The following RAD54B variants were observed in gnomAD, a reference collection of about 807,000 sequenced individuals.
RAD54B encodes the protein DNA repair and recombination protein RAD54B.
Under a neutral mutation model 95.8 loss-of-function variants are expected in RAD54B, and 78 were observed. The ratio of observed to expected loss-of-function variants is 0.81; its 90% CI spans 0.68 to 0.98. RAD54B has a LOEUF of 0.98. Among genes scored for constraint, RAD54B ranks in the 50% least tolerant of loss-of-function variants. The pLI is 0.00. For missense variants in RAD54B, 957 were observed against 1,056.6 expected, an observed-to-expected ratio of 0.91 and a Z score of 1.31; for synonymous variants, 328 against 354.9, an observed-to-expected ratio of 0.92 and a Z score of 0.85.
At chr8:94,437,305 C>G (rs547666924) in intron 3 of RAD54B, among the ~76,000 whole-genome samples, 2 of 152,166 alleles carry the variant, frequency 1.3e-5, no homozygotes, top group Non-Finnish European at 2.9e-5. Context: ...CTGTTTTGTG[C>G]TATTTATTTA....
At chr8:94,443,145 C>T (rs1161993326) in intron 3 of RAD54B, among the ~76,000 whole-genome samples, 1 of 152,174 alleles carries the variant, frequency 6.6e-6, no homozygotes, top group Non-Finnish European at 1.5e-5. Flanking sequence ...GACAAAAAAT[C>T]ACTCCTTCGA....
At chr8:94,453,756 T>C (rs1812718613) in intron 3 of RAD54B, among the ~76,000 whole-genome samples, 1 of 152,172 alleles carries the variant, frequency 6.6e-6, no homozygotes, top group Non-Finnish European at 1.5e-5. Context: ...TAGACAGCTA[T>C]GTAACAGGGA....
intron 14 of RAD54B, among the ~76,000 whole-genome samples, chr8:94,374,763 A>C (rs967732042): frequency 2.6e-5 from 4 of 152,194 alleles, no homozygotes; most frequent in African/African-American, 7.2e-5. Flanking sequence ...AAAATGACAA[A>C]ATAACAATTT....
intron 11 of RAD54B, among the ~76,000 whole-genome samples, chr8:94,385,437 A>G (rs958560938): frequency 2.0e-5 from 3 of 152,144 alleles, no homozygotes; most frequent in African/African-American, 7.2e-5. Context: ...CTGGGTCACA[A>G]TCTGCATATG....
At position 94,421,984 on chromosome 8, in the gene RAD54B, T is replaced by G. The variant is rs146254619; in HGVS notation, c.305-10669A>C. 1.8e-3 allele frequency among the ~76,000 whole-genome samples: 274 copies of G among 152,336 alleles called. 1 individual carries two copies. The highest frequency in any genetic ancestry group is 6.1e-3 in the African/African-American group (255 of 41,576). The stretch of plus-strand genomic sequence containing the variant: ...AGTCCTAGTAATCTTGAAGGAAGTA[T>G]GCTATTTCCAGCTATAGACTTTTAC... On this transcript the variant is annotated intron_variant, in intron 3 of 14. Transcript: ENST00000336148.
intron 10 of RAD54B, among the ~76,000 whole-genome samples, chr8:94,389,833 C>G (rs1810973091): frequency 6.6e-6 from 1 of 152,124 alleles, no homozygotes; most frequent in African/African-American, 2.4e-5. Context: ...TTTGAAGTAT[C>G]CTATGCCTAT....
chr8:94,425,970 T>G (rs1483728257), intron 3 of RAD54B, among the ~76,000 whole-genome samples: 3 of 152,176 alleles, frequency 2.0e-5, no homozygotes, highest in South Asian at 2.1e-4. Context: ...GTTTCGTTTT[T>G]GGGACAGGGT....
intron 10 of RAD54B, 180 bp from the exon 11 acceptor site, chr8:94,387,339 T>C (rs1198000846): frequency 5.8e-6 from 3 of 519,936 alleles, no homozygotes; most frequent in Non-Finnish European, 9.9e-6. Flanking sequence ...GTAACATGCC[T>C]TCTACTGAGT....
At chr8:94,430,195 C>T (rs1477857620) in intron 3 of RAD54B, 1 of 641,672 alleles carries the variant, frequency 1.6e-6, no homozygotes, top group African/African-American at 2.0e-5. Context: ...CCTGTAGTCC[C>T]AGCTACTTGG....
intron 3 of RAD54B, among the ~76,000 whole-genome samples, chr8:94,454,184 T>C (rs574235198): frequency 6.6e-6 from 1 of 151,854 alleles, no homozygotes; most frequent in Non-Finnish European, 1.5e-5. Context: ...GGATTACATA[T>C]TGCATGATTC....
At chr8:94,470,087 T>C (rs1416416909) in intron 1 of RAD54B, among the ~76,000 whole-genome samples, 1 of 152,224 alleles carries the variant, frequency 6.6e-6, no homozygotes, top group Non-Finnish European at 1.5e-5. Context: ...CAACATTATC[T>C]GTTTCACCCA....
intron 3 of RAD54B, among the ~76,000 whole-genome samples, chr8:94,448,508 C>G (rs114892548): frequency 6.6e-6 from 1 of 152,154 alleles, no homozygotes; most frequent in African/African-American, 2.4e-5. Flanking sequence ...AAAATCTGCA[C>G]TCCCATGTTC....
At chr8:94,463,778 G>A (rs1812958006) in intron 2 of RAD54B, among the ~76,000 whole-genome samples, 1 of 151,088 alleles carries the variant, frequency 6.6e-6, no homozygotes, top group African/African-American at 2.4e-5. Flanking sequence ...ATTTAAAAAT[G>A]ATGGCACATG....
At chr8:94,402,791 A>G (rs1021963919) in intron 6 of RAD54B, among the ~76,000 whole-genome samples, 1 of 152,234 alleles carries the variant, frequency 6.6e-6, no homozygotes, top group Non-Finnish European at 1.5e-5. Context: ...TTTGAGAAGC[A>G]TCAGAAGCAA....
chr8:94,467,525 T>G lies in RAD54B; in HGVS notation c.15A>C (p.Ala5=). Residue 5 remains alanine (A), a synonymous_variant, in exon 2 of 15, where the codon GCA becomes GCC. Transcript: ENST00000336148. ...AATTCCCCTGCAACTGACTTGGTGC[T>G]GCAGATCGTCTCATATTCAGCAGTC... MRRS[A]APSQLQGNSF... The G allele has an allele frequency of 6.2e-7, 1 of 1,613,078 alleles. No homozygotes were observed. The highest frequency in any genetic ancestry group is 8.5e-7 in the Non-Finnish European group (1 of 1,179,908).
At chr8:94,471,621 G>A (rs770124237) in intron 1 of RAD54B, among the ~76,000 whole-genome samples, 6 of 151,718 alleles carry the variant, frequency 4.0e-5, no homozygotes, top group Non-Finnish European at 7.4e-5. Flanking sequence ...ATACACAATC[G>A]TTTTTTAAAA....
chr8:94,420,216 C>A (rs1325140458), intron 3 of RAD54B, among the ~76,000 whole-genome samples: 1 of 150,372 alleles, frequency 6.7e-6, no homozygotes, highest in Admixed American at 6.6e-5. Context: ...ATCAATATAT[C>A]GACATGCTGT....
intron 8 of RAD54B, among the ~76,000 whole-genome samples, chr8:94,397,280 T>C (rs16916802): frequency 0.38 from 58,045 of 151,970 alleles, 11,273 homozygotes; most frequent in Admixed American, 0.5. Context: ...ACAAATCATC[T>C]TGGGGTAAAA....
chr8:94,386,276 T>C (rs995445795), intron 11 of RAD54B, among the ~76,000 whole-genome samples: 10 of 152,148 alleles, frequency 6.6e-5, no homozygotes, highest in African/African-American at 2.4e-4. Flanking sequence ...AGTGAGTCTA[T>C]AATAATTTCC....
Sources: allele counts gnomAD v4.1 joint callset (sites outside exome capture counted in the v4.1 genomes callset), GRCh38; gene constraint gnomAD v4.1.1; transcripts MANE v1.5; gene names NCBI Gene and HGNC (gene_info 2026-07-23, HGNC 2026-07-21).